MDGA2: variants seen among roughly 807,000 people sequenced by gnomAD.
The protein encoded by MDGA2 is MAM domain-containing glycosylphosphatidylinositol anchor protein 2.
Under a neutral mutation model 117.8 loss-of-function variants are expected in MDGA2, and 40 were observed. That is an observed-to-expected ratio of 0.34 (90% confidence interval 0.26 to 0.44). MDGA2 has a LOEUF of 0.44. Ranked by LOEUF, MDGA2 falls within the 20% of genes least tolerant of loss-of-function variation. The pLI, the probability that MDGA2 is intolerant of heterozygous loss-of-function variation, is 1.00. For synonymous variants in MDGA2, 452 were observed against 439.0 expected, an observed-to-expected ratio of 1.03 and a Z score of -0.37; for missense variants, 1,123 against 1,250.6, an observed-to-expected ratio of 0.90 and a Z score of 1.54.
chr14:46,873,713 AT>A, intron 13 of MDGA2, 122 bp from the exon 14 acceptor site: 1 of 892,354 alleles, frequency 1.1e-6, no homozygotes, highest in Non-Finnish European at 1.6e-6. Flanking sequence ...TTTGCATCTC[AT>A]TTATAAAATC....
At chr14:46,917,319 A>G (rs1778139273) in intron 10 of MDGA2, among the ~76,000 whole-genome samples, 1 of 152,230 alleles carries the variant, frequency 6.6e-6, no homozygotes, top group Non-Finnish European at 1.5e-5. Flanking sequence ...TGTATACAAC[A>G]CTGACAGATG....
intron 1 of MDGA2, among the ~76,000 whole-genome samples, chr14:47,362,048 A>C (rs1891137775): frequency 6.6e-6 from 1 of 152,166 alleles, no homozygotes; most frequent in South Asian, 2.1e-4. Flanking sequence ...GACAGCATAC[A>C]TCTATTTGCA....
chr14:47,090,249 T>C (rs989064364), intron 6 of MDGA2, among the ~76,000 whole-genome samples: 1 of 152,138 alleles, frequency 6.6e-6, no homozygotes, highest in South Asian at 2.1e-4. Context: ...GGTTACAGCA[T>C]ATTTCTGTGC....
At chr14:47,043,673 C>T (rs1253937481) in intron 7 of MDGA2, among the ~76,000 whole-genome samples, 1 of 152,100 alleles carries the variant, frequency 6.6e-6, no homozygotes, top group African/African-American at 2.4e-5. Flanking sequence ...AATCCCACTG[C>T]TTGTTTTCCA....
At chr14:47,270,371 T>C (rs1888106083) in intron 2 of MDGA2, among the ~76,000 whole-genome samples, 2 of 152,172 alleles carry the variant, frequency 1.3e-5, no homozygotes, top group South Asian at 4.1e-4. Flanking sequence ...CATCTTGAAG[T>C]GGCATAACTG....
intron 1 of MDGA2, among the ~76,000 whole-genome samples, chr14:47,435,275 C>A (rs1295425698): frequency 1.3e-5 from 2 of 152,062 alleles, no homozygotes; most frequent in Admixed American, 6.6e-5. Context: ...TTAAATATAC[C>A]CAATTCTCTT....
intron 3 of MDGA2, among the ~76,000 whole-genome samples, chr14:47,149,724 C>T (rs900531150): frequency 9.2e-5 from 14 of 152,328 alleles, no homozygotes; most frequent in African/African-American, 2.9e-4. Flanking sequence ...GCCATCCTAG[C>T]AGTGTATAAC....
At chr14:47,563,396 T>C (rs1318957014) in intron 1 of MDGA2, among the ~76,000 whole-genome samples, 4 of 152,152 alleles carry the variant, frequency 2.6e-5, no homozygotes, top group African/African-American at 9.7e-5. Context: ...TTCTAAGAAC[T>C]TGCTTTATGA....
chr14:46,969,459 A>G (rs1041194780), intron 8 of MDGA2, among the ~76,000 whole-genome samples: 2 of 152,068 alleles, frequency 1.3e-5, no homozygotes, highest in South Asian at 2.1e-4. Flanking sequence ...GTGTGAGATG[A>G]TATCTCATTG....
chr14:47,665,601 G>C (rs1203330460), intron 1 of MDGA2, among the ~76,000 whole-genome samples: 1 of 152,180 alleles, frequency 6.6e-6, no homozygotes, highest in African/African-American at 2.4e-5. Flanking sequence ...GGTGGGCGTG[G>C]GCTTGGCGGC....
intron 1 of MDGA2, among the ~76,000 whole-genome samples, chr14:47,422,365 G>A (rs1247516480): frequency 2.6e-5 from 4 of 152,036 alleles, no homozygotes; most frequent in Non-Finnish European, 5.9e-5. Flanking sequence ...TGTCTCCAAA[G>A]AGGAGTGGCA....
chr14:47,361,203 CTCTCTA>C lies in MDGA2; in HGVS notation c.281-59659_281-59654del, dbSNP rs763847660. 7.9e-3 allele frequency among the ~76,000 whole-genome samples: 1,026 copies of C among 130,182 alleles called. 8 individuals carry two copies. Among genetic ancestry groups the C allele is most frequent in the African/African-American group, 0.027 (974 of 36,086 alleles). 85.4% of individuals were successfully genotyped at this position (130,182 alleles called of 152,430 possible). ...CATGTTGTACTCTCTCTCTCTCTCTCTCTCTATATATATATATATATATATGGCAGT... is the reference window on the plus strand; with the variant it reads ...CATGTTGTACTCTCTCTCTCTCTCTCTATATATATATATATATATGGCAGT... On this transcript the variant is annotated intron_variant, in intron 1 of 16. Coordinates refer to ENST00000399232, the MANE Select transcript of MDGA2 (RefSeq NM_001113498.3).
intron 2 of MDGA2, among the ~76,000 whole-genome samples, chr14:47,274,098 A>G (rs892029036): frequency 4.6e-5 from 7 of 152,120 alleles, no homozygotes; most frequent in African/African-American, 1.7e-4. Context: ...CTACCCATTT[A>G]GAGTTTTACA....
chr14:47,283,867 C>T (rs556356826), intron 2 of MDGA2, among the ~76,000 whole-genome samples: 17 of 152,110 alleles, frequency 1.1e-4, no homozygotes, highest in Non-Finnish European at 1.6e-4. Flanking sequence ...TGATGGGTGA[C>T]GATAATAAAA....
intron 10 of MDGA2, among the ~76,000 whole-genome samples, chr14:46,906,553 TTC>T (rs1883500748): frequency 6.6e-6 from 1 of 152,150 alleles, no homozygotes; most frequent in East Asian, 1.9e-4. Flanking sequence ...TATGCACAAG[TTC>T]TGTTTAAAAT....
At chr14:47,112,060 G>T (rs12588192) in intron 5 of MDGA2, among the ~76,000 whole-genome samples, 81,566 of 151,610 alleles carry the variant, frequency 0.54, 22,222 homozygotes, top group African/African-American at 0.65. Flanking sequence ...GAACAACAAA[G>T]GGGCTAAGTT....
At chr14:47,578,146 T>G (rs918878937) in intron 1 of MDGA2, among the ~76,000 whole-genome samples, 1 of 152,088 alleles carries the variant, frequency 6.6e-6, no homozygotes, top group Non-Finnish European at 1.5e-5. Context: ...GGAGTCATTA[T>G]CCTCCACAAA....
At chr14:47,155,470 C>G (rs1220639533) in intron 3 of MDGA2, among the ~76,000 whole-genome samples, 1 of 152,114 alleles carries the variant, frequency 6.6e-6, no homozygotes, top group African/African-American at 2.4e-5. Context: ...CAGTTCCTCG[C>G]GTCTCCAAGA....
At chr14:47,299,213 T>C (rs1465732470) in intron 2 of MDGA2, 1 of 152,206 alleles carries the variant, frequency 6.6e-6, no homozygotes, top group East Asian at 1.9e-4. Flanking sequence ...TCAAAGTTTG[T>C]ACTCCTGATT....
Sources: gnomAD v4.1 joint callset for allele counts (sites outside exome capture counted in the v4.1 genomes callset) on GRCh38, gnomAD v4.1.1 for gene constraint, MANE v1.5 for transcripts, NCBI Gene and HGNC (gene_info 2026-07-23, HGNC 2026-07-21) for gene names.